Variants in AGO2 observed in about 807,000 individuals in gnomAD.
AGO2 encodes the protein protein argonaute-2.
AGO2 carries 5 observed loss-of-function variants against 102.3 expected under a neutral mutation model. That is an observed-to-expected ratio of 0.05 (90% CI 0.03 to 0.10). AGO2 has a LOEUF of 0.10. Ranked by LOEUF, AGO2 falls within the 10% of genes least tolerant of loss-of-function variation. AGO2 has a pLI of 1.00. For synonymous variants in AGO2, 449 were observed against 473.1 expected (o/e 0.95, Z 0.66); for missense variants, 541 against 1,183.7 (o/e 0.46, Z 7.97).
intron 12 of AGO2, among the ~76,000 whole-genome samples, 200 bp from the exon 13 acceptor site, chr8:140,547,827 T>C (rs1329225242): frequency 6.6e-6 from 1 of 152,216 alleles, no homozygotes; most frequent in Non-Finnish European, 1.5e-5. Context: ...CCAAGCTCCT[T>C]GGAGTCCAGA....
Position 140,557,775 on chromosome 8 carries a change from A to C in AGO2, c.879-539T>G, listed in dbSNP as rs1176349342. Among the ~76,000 whole-genome samples, 1 of 152,164 alleles carries C rather than the reference A, an allele frequency of 6.6e-6. No individual in the cohort carries two copies. On this transcript the variant is annotated intron_variant, in intron 7 of 18. Transcript: ENST00000220592. The surrounding 1 kb of genome is among the most constrained non-coding windows in gnomAD (Gnocchi z 5.9). The stretch of plus-strand genomic sequence containing the variant: ...ATGAGGGCACGGGGGCTGCTAGTGC[A>C]GGGCAAAGGGCCACGTGGCTCAGTT...
At chr8:140,599,880 C>A (rs533841970) in intron 1 of AGO2, among the ~76,000 whole-genome samples, 12 of 152,190 alleles carry the variant, frequency 7.9e-5, no homozygotes, top group Non-Finnish European at 1.3e-4. Flanking sequence ...CACCATCACA[C>A]CTGGCTGATT....
intron 16 of AGO2, among the ~76,000 whole-genome samples, chr8:140,538,231 C>T (rs1275189830): frequency 6.6e-6 from 1 of 152,200 alleles, no homozygotes; most frequent in African/African-American, 2.4e-5. Flanking sequence ...CCTTGCACAG[C>T]CGTGCCTGTA....
At chr8:140,554,119 G>C (rs1462327948) in intron 10 of AGO2, among the ~76,000 whole-genome samples, 1 of 152,266 alleles carries the variant, frequency 6.6e-6, no homozygotes, top group Non-Finnish European at 1.5e-5. Flanking sequence ...GGGAACAGAA[G>C]CCAGCAGGGC....
At chr8:140,572,546 T>A in intron 3 of AGO2, 1 of 362,052 alleles carries the variant, frequency 2.8e-6, no homozygotes, top group Non-Finnish European at 5.0e-6. Flanking sequence ...GTTTAGCATG[T>A]GTACTTTGTA....
At chr8:140,628,680 G>A (rs2152110534) in intron 1 of AGO2, among the ~76,000 whole-genome samples, 1 of 152,014 alleles carries the variant, frequency 6.6e-6, no homozygotes, top group South Asian at 2.1e-4. Context: ...GAGGTGGGAG[G>A]TTTGAACCCG....
At chr8:140,632,355 G>A (rs2074352827) in intron 1 of AGO2, among the ~76,000 whole-genome samples, 1 of 152,270 alleles carries the variant, frequency 6.6e-6, no homozygotes, top group Non-Finnish European at 1.5e-5. Flanking sequence ...TGGCAGATGG[G>A]CACCAGTATT....
At chr8:140,624,272 C>G (rs2074249068) in intron 1 of AGO2, among the ~76,000 whole-genome samples, 1 of 152,110 alleles carries the variant, frequency 6.6e-6, no homozygotes. Context: ...AGCCTTGCCC[C>G]CTGCCTTCAA....
chr8:140,641,346 CCTAT>C, the AGO2 span, among the ~76,000 whole-genome samples: 1 of 150,470 alleles, frequency 6.6e-6, no homozygotes, highest in Non-Finnish European at 1.5e-5. Context: ...AAAACAGCAA[CCTAT>C]CTTTCATAGG....
chr8:140,635,385 G>C (rs2074393815), intron 1 of AGO2, 100 bp downstream of exon 1: 17 of 696,292 alleles, frequency 2.4e-5, no homozygotes, highest in Non-Finnish European at 2.6e-5. Flanking sequence ...CCGACCCCGC[G>C]GCCCCCCGAT....
At position 140,520,164 on chromosome 8, in the gene AGO2, G is replaced by A. The variant is rs2072391864; in HGVS notation, c.*11880C>T. On this transcript the variant is annotated 3_prime_UTR_variant, in exon 19 of 19. Coordinates refer to ENST00000220592, the MANE Select transcript of AGO2 (RefSeq NM_012154.5). ...TTTTTGGAAGAGGCAGCTGTAAATA[G>A]GAGGACTTTTATTTAATTTTTTGCT... The A allele has an allele frequency of 6.6e-6, 1 of 152,170 alleles. No individual in the cohort carries two copies. Among genetic ancestry groups the A allele is most frequent in the Non-Finnish European group, 1.5e-5 (1 of 68,030 alleles). The allele number at this position is 152,170 out of a possible 1,614,324, so 9.4% of individuals were successfully genotyped here.
chr8:140,582,681 T>C (rs963877587), intron 2 of AGO2, among the ~76,000 whole-genome samples: 1 of 152,132 alleles, frequency 6.6e-6, no homozygotes, highest in Non-Finnish European at 1.5e-5. Context: ...AAACTATAAT[T>C]CTAAAATAAA....
intron 16 of AGO2, among the ~76,000 whole-genome samples, chr8:140,535,840 C>T (rs974970478): frequency 5.3e-5 from 8 of 152,238 alleles, no homozygotes; most frequent in African/African-American, 1.2e-4. Flanking sequence ...CACTGCAGAA[C>T]GTGCCTCTGA....
chr8:140,590,614 C>T (rs2073733725), intron 1 of AGO2, among the ~76,000 whole-genome samples: 1 of 152,224 alleles, frequency 6.6e-6, no homozygotes. Flanking sequence ...ACCGGTCACC[C>T]ACCTCCACAG....
Position 140,541,299 on chromosome 8 carries a change from C to T in AGO2, c.1899G>A (p.Gln633=). 2.5e-6 allele frequency: 4 copies of T among 1,613,524 alleles called. No homozygotes were observed. The highest frequency in any genetic ancestry group is 3.4e-6 in the Non-Finnish European group (4 of 1,179,918). ...GGTCTTGTATGATCTCCTGCCGGTGCTGCTGCACGCGCACGGTGGCGCAGT... is the reference window on the plus strand; with the variant it reads ...GGTCTTGTATGATCTCCTGCCGGTGTTGCTGCACGCGCACGGTGGCGCAGT... ...NRYCATVRVQ[Q]HRQEIIQDLA... The change falls in exon 15 of 19, where the codon CAG becomes CAA. Residue 633 remains glutamine, a synonymous_variant. Coordinates refer to ENST00000220592, the MANE Select transcript of AGO2 (RefSeq NM_012154.5).
rs768831981 is a variant in AGO2 at position 140,525,747 on chromosome 8, T to C, written c.*6297A>G. ...AACTCAGAGTAAACTCATGGAGAAA[T>C]TGGGGCGAGCGCTAACCTCAAGATC... On this transcript the variant is annotated 3_prime_UTR_variant, in exon 19 of 19. Transcript: ENST00000220592. 2.0e-5 allele frequency: 3 copies of C among 151,592 alleles called. No individual in the cohort carries two copies. Among genetic ancestry groups the C allele is most frequent in the East Asian group, 2.0e-4 (1 of 5,096 alleles). 9.4% of individuals were successfully genotyped at this position (151,592 alleles called of 1,614,324 possible). A position where few individuals can be genotyped will look rare whatever the true frequency, so the allele number is the denominator to read the frequency against.
intron 11 of AGO2, among the ~76,000 whole-genome samples, chr8:140,549,571 G>A (rs1444464389): frequency 1.3e-5 from 2 of 152,266 alleles, no homozygotes; most frequent in Non-Finnish European, 1.5e-5. Flanking sequence ...CCGTAACACA[G>A]CAGCCTTTAA....
At chr8:140,619,499 C>T (rs140861706) in intron 1 of AGO2, among the ~76,000 whole-genome samples, 1 of 152,322 alleles carries the variant, frequency 6.6e-6, no homozygotes, top group East Asian at 1.9e-4. Context: ...GACCTGGCGC[C>T]AGGGACCGGG....
chr8:140,594,115 C>T lies in AGO2; in HGVS notation c.23-8804G>A, dbSNP rs557771101. On this transcript the variant is annotated intron_variant, in intron 1 of 18. Transcript: ENST00000220592. ...GCACCTCCTACTCCTGCTCTCAGGG[C>T]GCTCGTCTTCAGAAGAGGGCAGGGA... Among the ~76,000 whole-genome samples, 26 of 152,220 alleles carry T rather than the reference C, an allele frequency of 1.7e-4. No homozygotes were observed. In the South Asian group the frequency reaches 2.3e-3, roughly 13 times the overall value.
Sources: allele counts gnomAD v4.1 joint callset (sites outside exome capture counted in the v4.1 genomes callset), GRCh38; gene constraint gnomAD v4.1.1; non-coding constraint Gnocchi (gnomAD v3.1); transcripts MANE v1.5; gene names NCBI Gene and HGNC (gene_info 2026-07-23, HGNC 2026-07-21).